The following ATP8A1 variants were observed in gnomAD, a reference collection of about 807,000 sequenced individuals.
ATP8A1 encodes the protein ATPase phospholipid transporting 8A1.
Under a neutral mutation model 177.7 loss-of-function variants are expected in ATP8A1, and 90 were observed. That is an observed-to-expected ratio of 0.51 (90% CI 0.43 to 0.60). The LOEUF (loss-of-function observed/expected upper bound fraction) is 0.60. Ranked by LOEUF, ATP8A1 falls within the 20% of genes least tolerant of loss-of-function variation. ATP8A1 has a pLI of 0.00. For synonymous variants in ATP8A1, 493 were observed against 485.9 expected (o/e 1.01, Z -0.19); for missense variants, 1,072 against 1,392.8 (o/e 0.77, Z 3.67).
At chr4:42,545,791 T>A (rs1023318322) in intron 19 of ATP8A1, among the ~76,000 whole-genome samples, 1 of 152,130 alleles carries the variant, frequency 6.6e-6, no homozygotes, top group East Asian at 1.9e-4. Context: ...CTGGCCAACA[T>A]GGTGAAACCC....
chr4:42,536,568 G>A (rs1727844403), intron 20 of ATP8A1, among the ~76,000 whole-genome samples: 1 of 152,172 alleles, frequency 6.6e-6, no homozygotes, highest in Admixed American at 6.5e-5. Context: ...CCAAAAGACA[G>A]AGAAAGAGGG....
At chr4:42,568,891 C>G (rs185738202) in intron 15 of ATP8A1, among the ~76,000 whole-genome samples, 1 of 152,222 alleles carries the variant, frequency 6.6e-6, no homozygotes, top group East Asian at 1.9e-4. Context: ...AGCCCACACT[C>G]TGGAATTGAT....
intron 21 of ATP8A1, among the ~76,000 whole-genome samples, chr4:42,523,278 G>C (rs1472375426): frequency 6.6e-6 from 1 of 152,136 alleles, no homozygotes; most frequent in Non-Finnish European, 1.5e-5. Flanking sequence ...CAAAACACTT[G>C]TCAGCTACCC....
intron 24 of ATP8A1, among the ~76,000 whole-genome samples, chr4:42,497,072 T>C (rs1723352583): frequency 6.6e-6 from 1 of 152,166 alleles, no homozygotes; most frequent in South Asian, 2.1e-4. Context: ...GTTTGGGAGA[T>C]AGCTGCTGGA....
intron 15 of ATP8A1, among the ~76,000 whole-genome samples, chr4:42,568,312 T>C (rs1364337778): frequency 8.5e-5 from 13 of 152,326 alleles, no homozygotes; most frequent in African/African-American, 3.1e-4. Flanking sequence ...GTTATTCGAC[T>C]TCAAAGTATA....
intron 5 of ATP8A1, among the ~76,000 whole-genome samples, chr4:42,607,189 C>T (rs560347437): frequency 6.6e-6 from 1 of 152,298 alleles, no homozygotes; most frequent in Admixed American, 6.5e-5. Flanking sequence ...ACTTCTACCC[C>T]ATCCCCCATT....
Position 42,522,150 on chromosome 4 carries a change from A to G in ATP8A1, c.1947+10T>C. 6.3e-7 allele frequency: 1 copy of G among 1,598,956 alleles called. No homozygotes were observed. The highest frequency in any genetic ancestry group is 8.5e-7 in the Non-Finnish European group (1 of 1,176,142). On this transcript the variant is annotated intron_variant, in intron 22 of 36. Transcript: ENST00000381668. Reference sequence around the variant, plus strand: ...AACCCTCTGTATGATCAACAGAATCATCCACGTACCTTTTCAATCAACTCA... The same window carrying G: ...AACCCTCTGTATGATCAACAGAATCGTCCACGTACCTTTTCAATCAACTCA...
At chr4:42,528,647 T>G (rs1381843263) in intron 20 of ATP8A1, among the ~76,000 whole-genome samples, 2 of 152,014 alleles carry the variant, frequency 1.3e-5, no homozygotes, top group Non-Finnish European at 2.9e-5. Flanking sequence ...ACCAAGCAAT[T>G]TGCCTTCAAC....
intron 5 of ATP8A1, among the ~76,000 whole-genome samples, chr4:42,614,495 G>T (rs1736705474): frequency 6.6e-6 from 1 of 152,142 alleles, no homozygotes; most frequent in Non-Finnish European, 1.5e-5. Flanking sequence ...TCCTGTGTTT[G>T]TCCCTTCACA....
chr4:42,417,346 A>C (rs1713355973), intron 35 of ATP8A1, among the ~76,000 whole-genome samples: 1 of 152,044 alleles, frequency 6.6e-6, no homozygotes, highest in South Asian at 2.1e-4. Flanking sequence ...CAAAAAAAAA[A>C]AACACTAAAG....
At chr4:42,601,478 A>AT (rs1380850963) in intron 5 of ATP8A1, among the ~76,000 whole-genome samples, 6 of 151,178 alleles carry the variant, frequency 4.0e-5, no homozygotes, top group Middle Eastern at 3.4e-3. Context: ...ATCCAGTATA[A>AT]TTTTTTTTTC....
At chr4:42,536,156 A>C (rs1460108138) in intron 20 of ATP8A1, among the ~76,000 whole-genome samples, 1 of 152,226 alleles carries the variant, frequency 6.6e-6, no homozygotes, top group African/African-American at 2.4e-5. Flanking sequence ...ATATAAATTA[A>C]ACAAAAAGCT....
At chr4:42,611,580 A>G (rs1736379581) in intron 5 of ATP8A1, among the ~76,000 whole-genome samples, 1 of 150,312 alleles carries the variant, frequency 6.7e-6, no homozygotes, top group South Asian at 2.1e-4. Context: ...AAATTTTCCC[A>G]AATACCTTAG....
At chr4:42,497,223 T>A (rs571941785) in intron 24 of ATP8A1, among the ~76,000 whole-genome samples, 1 of 152,302 alleles carries the variant, frequency 6.6e-6, no homozygotes, top group East Asian at 1.9e-4. Flanking sequence ...ACATGGGAAC[T>A]CAAAGTCTCT....
intron 10 of ATP8A1, 34 bp downstream of exon 10, chr4:42,581,587 T>A (rs1372796634): frequency 2.0e-6 from 3 of 1,474,774 alleles, no homozygotes; most frequent in Non-Finnish European, 2.8e-6. Context: ...ACAAAAGCCT[T>A]AGGTCCAAAA....
At position 42,627,997 on chromosome 4, in the gene ATP8A1, C is replaced by T. The variant is rs528038711; in HGVS notation, c.50-888G>A. On this transcript the variant is annotated intron_variant, in intron 1 of 36. Transcript: ENST00000381668. ...CCACAGCCCTCTGAACCTCCCCACT[C>T]TTCAGCAAAACACTTACCAGAAGGT... Among the ~76,000 whole-genome samples the T allele has an allele frequency of 5.3e-5, 8 of 152,304 alleles. No individual in the cohort carries two copies. The East Asian group carries it at 7.7e-4, about 15-fold the overall frequency.
At chr4:42,588,939 C>T (rs1027073622) in intron 7 of ATP8A1, among the ~76,000 whole-genome samples, 1 of 152,202 alleles carries the variant, frequency 6.6e-6, no homozygotes, top group Non-Finnish European at 1.5e-5. Flanking sequence ...CACTCCTGCT[C>T]TCCTATTAAA....
chr4:42,654,486 G>A (rs2109596660), intron 1 of ATP8A1, among the ~76,000 whole-genome samples: 1 of 152,176 alleles, frequency 6.6e-6, no homozygotes, highest in Admixed American at 6.5e-5. Context: ...AGGCTCCAAG[G>A]TCTCGCCACC....
intron 31 of ATP8A1, 40 bp from the exon 32 acceptor site, chr4:42,444,674 A>G (rs1292968873): frequency 1.3e-6 from 2 of 1,569,168 alleles, no homozygotes; most frequent in South Asian, 1.1e-5. Flanking sequence ...CCTCATAAAC[A>G]TGAAAGTTCA....
Sources: gnomAD v4.1 joint callset for allele counts (sites outside exome capture counted in the v4.1 genomes callset) on GRCh38, gnomAD v4.1.1 for gene constraint, MANE v1.5 for transcripts, NCBI Gene and HGNC (gene_info 2026-07-23, HGNC 2026-07-21) for gene names.